NUBPL: variants seen among roughly 807,000 people sequenced by gnomAD.
The protein encoded by NUBPL is iron-sulfur cluster transfer protein NUBPL.
NUBPL carries 31 observed loss-of-function variants against 45.7 expected under a neutral mutation model. That is an observed-to-expected ratio of 0.68 (90% CI 0.51 to 0.92). NUBPL has a LOEUF of 0.92. NUBPL is among the 40% of genes least tolerant of loss of function. The pLI, the probability that NUBPL is intolerant of heterozygous loss-of-function variation, is 0.00. For synonymous variants in NUBPL, 144 were observed against 140.9 expected, an observed-to-expected ratio of 1.02 and a Z score of -0.15; for missense variants, 401 against 398.7, an observed-to-expected ratio of 1.01 and a Z score of -0.05.
intron 6 of NUBPL, among the ~76,000 whole-genome samples, chr14:31,749,811 T>C (rs1178925717): frequency 1.3e-5 from 2 of 152,168 alleles, no homozygotes; most frequent in Non-Finnish European, 2.9e-5. Context: ...TTTTCATCTC[T>C]TCTCCCTCCA....
intron 6 of NUBPL, among the ~76,000 whole-genome samples, chr14:31,783,518 T>TC (rs979682883): frequency 6.7e-6 from 1 of 150,166 alleles, no homozygotes; most frequent in Non-Finnish European, 1.5e-5. Flanking sequence ...AGCAGTTCTT[T>TC]TTTTTTTTTT....
chr14:31,851,585 A>G (rs959217211), intron 10 of NUBPL, among the ~76,000 whole-genome samples: 7 of 152,096 alleles, frequency 4.6e-5, no homozygotes, highest in African/African-American at 1.7e-4. Context: ...TCTGTCTTTT[A>G]GGTATTAAAT....
At chr14:31,582,902 CA>C (rs2033901436) in intron 3 of NUBPL, among the ~76,000 whole-genome samples, 1 of 152,080 alleles carries the variant, frequency 6.6e-6, no homozygotes, top group Non-Finnish European at 1.5e-5. Flanking sequence ...TACCAAATGT[CA>C]TTTTTAAAGG....
At chr14:31,777,480 C>T (rs766186787) in intron 6 of NUBPL, among the ~76,000 whole-genome samples, 13 of 152,266 alleles carry the variant, frequency 8.5e-5, no homozygotes, top group Middle Eastern at 3.4e-3. Flanking sequence ...AGGATTGAGT[C>T]GGCACAATCC....
chr14:31,612,557 A>C (rs2034787911), intron 4 of NUBPL, among the ~76,000 whole-genome samples: 1 of 152,186 alleles, frequency 6.6e-6, no homozygotes, highest in African/African-American at 2.4e-5. Flanking sequence ...GCTACTTAGG[A>C]GGCTGAGGCA....
intron 7 of NUBPL, among the ~76,000 whole-genome samples, chr14:31,798,155 C>G (rs1261070893): frequency 6.6e-6 from 1 of 152,124 alleles, no homozygotes; most frequent in Non-Finnish European, 1.5e-5. Flanking sequence ...CCTGCTGATT[C>G]ATTCCTATGA....
intron 7 of NUBPL, among the ~76,000 whole-genome samples, chr14:31,789,692 A>G (rs2039344035): frequency 6.6e-6 from 1 of 152,106 alleles, no homozygotes; most frequent in African/African-American, 2.4e-5. Context: ...ATATTTAATG[A>G]TCAAAAGTTT....
At chr14:31,833,370 C>CA (rs540768372) in intron 8 of NUBPL, among the ~76,000 whole-genome samples, 2,754 of 139,910 alleles carry the variant, frequency 0.02, 36 homozygotes, top group South Asian at 0.028. Context: ...GACCTTGTCT[C>CA]AAAAAAAAAA....
chr14:31,755,839 G>A (rs532312225), intron 6 of NUBPL, among the ~76,000 whole-genome samples: 37 of 150,624 alleles, frequency 2.5e-4, no homozygotes, highest in Admixed American at 1.7e-3. Flanking sequence ...TAGGTCTAAC[G>A]TTTAAGTCTT....
intron 6 of NUBPL, among the ~76,000 whole-genome samples, chr14:31,685,300 T>C (rs778523004): frequency 5.3e-5 from 8 of 152,174 alleles, no homozygotes; most frequent in Non-Finnish European, 1.0e-4. Flanking sequence ...TGGAAATTTG[T>C]AAACCTTAAC....
intron 6 of NUBPL, among the ~76,000 whole-genome samples, chr14:31,729,414 A>T (rs1362098539): frequency 6.6e-6 from 1 of 152,158 alleles, no homozygotes; most frequent in African/African-American, 2.4e-5. Flanking sequence ...ACATAGAATA[A>T]ATAGTTCTTA....
At chr14:31,856,688 C>T (rs2040626288) in intron 10 of NUBPL, among the ~76,000 whole-genome samples, 1 of 152,202 alleles carries the variant, frequency 6.6e-6, no homozygotes, top group South Asian at 2.1e-4. Context: ...CTACAGGCCC[C>T]ATGCAAGTCT....
In NUBPL at chr14:31,837,741, G is replaced by A. The variant is rs1274253430; in HGVS notation, c.694-8730G>A. On this transcript the variant is annotated intron_variant, in intron 8 of 10. Transcript: ENST00000281081. ...AATTGAAAAAATAGGCAAGAGACCCGAGCAGGCACTTTATGGAAGAGGATA... is the reference window on the plus strand; with the variant it reads ...AATTGAAAAAATAGGCAAGAGACCCAAGCAGGCACTTTATGGAAGAGGATA... Among the ~76,000 whole-genome samples, 7 of 152,036 alleles carry A rather than the reference G, an allele frequency of 4.6e-5. No homozygotes were observed. In the East Asian group the frequency reaches 1.3e-3, roughly 29 times the overall value.
At chr14:31,804,674 A>G (rs1165351616) in intron 7 of NUBPL, among the ~76,000 whole-genome samples, 1 of 152,212 alleles carries the variant, frequency 6.6e-6, no homozygotes, top group East Asian at 1.9e-4. Flanking sequence ...GACAAAAAAC[A>G]AGCAATGGGG....
chr14:31,640,900 T>A (rs1259503534), intron 4 of NUBPL, among the ~76,000 whole-genome samples: 1 of 152,116 alleles, frequency 6.6e-6, no homozygotes, highest in Non-Finnish European at 1.5e-5. Flanking sequence ...ATGTTAACTG[T>A]AGTCACCCTA....
chr14:31,792,067 A>T (rs954614723), intron 7 of NUBPL, among the ~76,000 whole-genome samples: 6 of 152,190 alleles, frequency 3.9e-5, no homozygotes, highest in African/African-American at 1.4e-4. Flanking sequence ...ATCATAGCTA[A>T]GTTTCATATT....
At chr14:31,739,434 T>C (rs2038236559) in intron 6 of NUBPL, among the ~76,000 whole-genome samples, 1 of 151,632 alleles carries the variant, frequency 6.6e-6, no homozygotes, top group African/African-American at 2.4e-5. Flanking sequence ...GGCTAGAAAA[T>C]AGAATGCATG....
intron 4 of NUBPL, among the ~76,000 whole-genome samples, chr14:31,632,478 G>C (rs1002203167): frequency 1.3e-5 from 2 of 152,256 alleles, no homozygotes; most frequent in Non-Finnish European, 2.9e-5. Flanking sequence ...GAGTGAACTG[G>C]AGGGGCAGTT....
chr14:31,636,479 TGGATTGGTTTGCCAGTATTTTATTGA>T (rs2035503745), intron 4 of NUBPL, among the ~76,000 whole-genome samples: 1 of 139,090 alleles, frequency 7.2e-6, no homozygotes, highest in Non-Finnish European at 1.5e-5. Context: ...GATGTGCTGC[TGGATTGGTTTGCCAGTATTTTATTGA>T]GGATTTTTGC....
Sources: gnomAD v4.1 joint callset for allele counts (sites outside exome capture counted in the v4.1 genomes callset) on GRCh38, gnomAD v4.1.1 for gene constraint, MANE v1.5 for transcripts, NCBI Gene and HGNC (gene_info 2026-07-23, HGNC 2026-07-21) for gene names.